Variants in PHF13 observed in about 807,000 individuals in gnomAD.
PHF13 encodes PHD zinc finger protein PHF5.
In PHF13, 1 loss-of-function variant was observed where a neutral mutation model predicts 25.8. The observed-to-expected ratio is 0.04, with a 90% CI of 0.01 to 0.18. The LOEUF (loss-of-function observed/expected upper bound fraction) is 0.18. Ranked by LOEUF, PHF13 falls within the 10% of genes least tolerant of loss-of-function variation. The pLI is 1.00. For synonymous variants in PHF13, 195 were observed against 162.4 expected (o/e 1.20, Z -1.53); for missense variants, 306 against 403.2 (o/e 0.76, Z 2.06).
Position 6,614,005 on chromosome 1 carries a change from G to A in PHF13, c.-62G>A, listed in dbSNP as rs1641210709. The A allele has an allele frequency of 1.5e-6, 2 of 1,310,442 alleles. No individual in the cohort carries two copies. Among genetic ancestry groups the A allele is most frequent in the Non-Finnish European group, 2.1e-6 (2 of 949,026 alleles). The allele number at this position is 1,310,442 out of a possible 1,614,324, so 81.2% of individuals were successfully genotyped here. On this transcript the variant is annotated 5_prime_UTR_variant, in exon 1 of 4. Transcript: ENST00000377648. Reference sequence around the variant, plus strand: ...GCCGCCCGAGCCCCCAGCCCCGGGCGGCCCCGCTCCAGCATCCCAGCTCCT... The same window carrying A: ...GCCGCCCGAGCCCCCAGCCCCGGGCAGCCCCGCTCCAGCATCCCAGCTCCT...
chr1:6,620,838 T>C (rs1641327486), intron 3 of PHF13, among the ~76,000 whole-genome samples: 1 of 149,416 alleles, frequency 6.7e-6, no homozygotes, highest in Non-Finnish European at 1.5e-5. Flanking sequence ...ACCAACATGG[T>C]GAAACCCCGA....
intron 1 of PHF13, among the ~76,000 whole-genome samples, chr1:6,615,151 CCGTGTGGGGGCGGCGTGGAA>C (rs1404480758): frequency 4.1e-4 from 62 of 151,700 alleles, no homozygotes; most frequent in Admixed American, 2.0e-3. Flanking sequence ...GCGGCGTGGG[CCGTGTGGGGGCGGCGTGGAA>C]CCCCCAGTCC....
intron 1 of PHF13, among the ~76,000 whole-genome samples, 171 bp downstream of exon 1, chr1:6,614,276 GGTCCTCTCCGCCGGGCCTCGCCTCCGC>G (rs1357250307): frequency 1.6e-5 from 2 of 125,932 alleles, no homozygotes; most frequent in Non-Finnish European, 3.2e-5. Context: ...GCCCGCGCTC[GGTCCTCTCCGCCGGGCCTCGCCTCCGC>G]GTCCCCTCCG....
intron 3 of PHF13, among the ~76,000 whole-genome samples, chr1:6,620,995 G>A (rs1641329850): frequency 6.7e-6 from 1 of 150,294 alleles, no homozygotes; most frequent in African/African-American, 2.5e-5. Context: ...TCGCGCCATT[G>A]CACTCCAGCC....
At position 6,621,174 on chromosome 1, in the gene PHF13, G is replaced by T. The variant is rs1382536844; in HGVS notation, c.677-237G>T. ...GATTGCACCACTGCACTCCAGCCAGGGTGACAGAGTGAGACCCTGTCTTAG... is the reference window on the plus strand; with the variant it reads ...GATTGCACCACTGCACTCCAGCCAGTGTGACAGAGTGAGACCCTGTCTTAG... On this transcript the variant is annotated intron_variant, in intron 3 of 3. Transcript: ENST00000377648. The surrounding 1 kb of genome is among the most constrained non-coding windows in gnomAD (Gnocchi z 4.8). Among the ~76,000 whole-genome samples the T allele has an allele frequency of 6.6e-6, 1 of 151,782 alleles. No homozygotes were observed. The highest frequency in any genetic ancestry group is 1.5e-5 in the Non-Finnish European group (1 of 67,920).
In PHF13 at chr1:6,621,650, G is replaced by A. The variant is rs775381412; in HGVS notation, c.*13G>A. The A allele has an allele frequency of 8.1e-6, 13 of 1,613,068 alleles. No individual in the cohort carries two copies. The highest frequency in any genetic ancestry group is 1.7e-5 in the Admixed American group (1 of 60,000). On this transcript the variant is annotated 3_prime_UTR_variant, in exon 4 of 4. Transcript: ENST00000377648. The surrounding 1 kb of genome is among the most constrained non-coding windows in gnomAD (Gnocchi z 4.8). ...GTTCCTGGACTGACTGCTGGCTGGCGAGGAGGCTGCGAGCGTGGAATCGGA... is the reference window on the plus strand; with the variant it reads ...GTTCCTGGACTGACTGCTGGCTGGCAAGGAGGCTGCGAGCGTGGAATCGGA...
Position 6,621,220 on chromosome 1 carries a change from G to A in PHF13, c.677-191G>A, listed in dbSNP as rs1641334571. 6.6e-6 allele frequency among the ~76,000 whole-genome samples: 1 copy of A among 151,478 alleles called. No individual in the cohort carries two copies. The highest frequency in any genetic ancestry group is 2.1e-4 in the South Asian group (1 of 4,792). ...CTTAGGGAAAAAAAAAAAAAAGTAA[G>A]CATCTCCTGGGTAATACCTGGTTCC... On this transcript the variant is annotated intron_variant, in intron 3 of 3. Coordinates refer to ENST00000377648, the MANE Select transcript of PHF13 (RefSeq NM_153812.3). The surrounding 1 kb of genome is among the most constrained non-coding windows in gnomAD (Gnocchi z 4.8).
At chr1:6,614,480 G>T (rs1457778800) in intron 1 of PHF13, 1 of 222,610 alleles carries the variant, frequency 4.5e-6, no homozygotes, top group African/African-American at 2.4e-5. Context: ...CGCGGTCCGA[G>T]CCGCCGCCCG....
chr1:6,619,890 A>G lies in PHF13; in HGVS notation c.229A>G (p.Ile77Val), dbSNP rs149148561. Residue 77 changes from isoleucine (I) to valine (V), a missense_variant, in exon 3 of 4, where the codon ATC becomes GTC. Transcript: ENST00000377648. ...CGGCTGGGACGCGGGTTTCTCAGACATCGCGTCCTCAGTGCCCTTGCCAGT... is the reference window on the plus strand; with the variant it reads ...CGGCTGGGACGCGGGTTTCTCAGACGTCGCGTCCTCAGTGCCCTTGCCAGT... Reference protein sequence around the residue: ...SDGWDAGFSDIASSVPLPVSD... With the variant: ...SDGWDAGFSDVASSVPLPVSD... 6.8e-6 allele frequency: 11 copies of G among 1,613,830 alleles called. No individual in the cohort carries two copies. In the African/African-American group the frequency reaches 1.2e-4, roughly 18 times the overall value.
Position 6,620,011 on chromosome 1 carries a change from A to C in PHF13, c.350A>C (p.Lys117Thr). The stretch of plus-strand genomic sequence containing the variant: ...GACAGAAAGAAAACGGACAAGCTGA[A>C]GAAGAAGAAGAAGAGGAAGCGCAGG... The part of the protein sequence containing the change: ...LLDRKKTDKL[K>T]KKKKRKRRDS... The change falls in exon 3 of 4, where the codon AAG (lysine) becomes ACG (threonine). Residue 117 changes from lysine (K) to threonine (T), a missense_variant. Lys to Thr is a moderately conservative substitution (Grantham distance 78). Around this residue, in one of 5 missense-constraint regions of PHF13, gnomAD observed 186 missense variants for 164.0 expected, o/e 1.13. Coordinates refer to ENST00000377648, the MANE Select transcript of PHF13 (RefSeq NM_153812.3). 6.2e-7 allele frequency: 1 copy of C among 1,606,884 alleles called. No individual in the cohort carries two copies. Among genetic ancestry groups the C allele is most frequent in the Non-Finnish European group, 8.5e-7 (1 of 1,175,502 alleles).
At chr1:6,614,196 G>A in intron 1 of PHF13, 91 bp downstream of exon 1, 1 of 1,183,212 alleles carries the variant, frequency 8.5e-7, no homozygotes, top group Non-Finnish European at 1.2e-6. Context: ...CGCCCGGAGC[G>A]CCGCCCTCCC....
intron 1 of PHF13, among the ~76,000 whole-genome samples, chr1:6,615,477 C>T (rs919717212): frequency 2.0e-5 from 3 of 152,098 alleles, no homozygotes; most frequent in Non-Finnish European, 4.4e-5. Flanking sequence ...AGGGCACCGA[C>T]TTTCTCGAAA....
intron 1 of PHF13, among the ~76,000 whole-genome samples, 168 bp downstream of exon 1, chr1:6,614,273 C>G (rs1156692511): frequency 6.8e-6 from 1 of 147,796 alleles, no homozygotes; most frequent in African/African-American, 2.5e-5. Flanking sequence ...CGGGCCCGCG[C>G]TCGGTCCTCT....
Position 6,623,406 on chromosome 1 carries a change from G to T in PHF13, c.*1769G>T, listed in dbSNP as rs80029049. On this transcript the variant is annotated 3_prime_UTR_variant, in exon 4 of 4. Transcript: ENST00000377648. Reference sequence around the variant, plus strand: ...ACTGACGAGGGCAAACAGCCAGGACGCATTGGAGAGGAATTTGCCAAAGAT... The same window carrying T: ...ACTGACGAGGGCAAACAGCCAGGACTCATTGGAGAGGAATTTGCCAAAGAT... The T allele has an allele frequency of 1.3e-5, 2 of 152,458 alleles. No homozygotes were observed. Among genetic ancestry groups the T allele is most frequent in the African/African-American group, 4.8e-5 (2 of 41,344 alleles). The allele number at this position is 152,458 out of a possible 1,614,324, so 9.4% of individuals were successfully genotyped here.
chr1:6,613,827 C>T lies in PHF13; in HGVS notation c.-240C>T. On this transcript the variant is annotated 5_prime_UTR_variant, in exon 1 of 4. Coordinates refer to ENST00000377648, the MANE Select transcript of PHF13 (RefSeq NM_153812.3). ...GCCGCCGCCGCCCCCTGCAGCCACT[C>T]TCCCGCCTCTACCGCCGCGGGAGCT... 1 of 365,978 alleles carries T rather than the reference C, an allele frequency of 2.7e-6. No homozygotes were observed. Among genetic ancestry groups the T allele is most frequent in the Non-Finnish European group, 5.0e-6 (1 of 200,842 alleles). 22.7% of individuals were successfully genotyped at this position (365,978 alleles called of 1,614,324 possible).
chr1:6,621,967 A>C lies in PHF13; in HGVS notation c.*330A>C, dbSNP rs1019759632. 7.5e-6 allele frequency: 3 copies of C among 398,396 alleles called. No homozygotes were observed. The highest frequency in any genetic ancestry group is 7.8e-4 in the Middle Eastern group (1 of 1,290). 24.7% of individuals were successfully genotyped at this position (398,396 alleles called of 1,614,324 possible). ...TATCATTGCTAAGAGATTCCCGCTG[A>C]TTGGGCTCAGTGCCAGCTGTTATTC... On this transcript the variant is annotated 3_prime_UTR_variant, in exon 4 of 4. Coordinates refer to ENST00000377648, the MANE Select transcript of PHF13 (RefSeq NM_153812.3). The surrounding 1 kb of genome is among the most constrained non-coding windows in gnomAD (Gnocchi z 4.8).
chr1:6,621,697 C>T lies in PHF13; in HGVS notation c.*60C>T. 4.5e-6 allele frequency: 7 copies of T among 1,543,182 alleles called. No individual in the cohort carries two copies. Among genetic ancestry groups the T allele is most frequent in the Non-Finnish European group, 5.3e-6 (6 of 1,123,122 alleles). On this transcript the variant is annotated 3_prime_UTR_variant, in exon 4 of 4. Coordinates refer to ENST00000377648, the MANE Select transcript of PHF13 (RefSeq NM_153812.3). This position sits in a 1 kb window ranked among gnomAD's most constrained non-coding sequence, Gnocchi z 4.8. ...CGGAAGCGACCGCGGGCTTTTTTGC[C>T]CTTCTCTTAGTTGAGCACAGAACCC...
chr1:6,620,846 C>T (rs1039746222), intron 3 of PHF13, among the ~76,000 whole-genome samples: 5 of 151,296 alleles, frequency 3.3e-5, no homozygotes, highest in Non-Finnish European at 7.4e-5. Flanking sequence ...GGTGAAACCC[C>T]GACTCTACTA....
intron 1 of PHF13, 143 bp from the exon 2 acceptor site, chr1:6,616,614 G>A (rs763413868): frequency 8.9e-6 from 6 of 672,954 alleles, no homozygotes; most frequent in Admixed American, 2.4e-5. Context: ...TGAACTTACC[G>A]TATCTTGTTT....
Sources: allele counts gnomAD v4.1 joint callset (sites outside exome capture counted in the v4.1 genomes callset), GRCh38; gene constraint gnomAD v4.1.1; regional missense constraint gnomAD v4.1.1; non-coding constraint Gnocchi (gnomAD v3.1); transcripts MANE v1.5; gene names NCBI Gene and HGNC (gene_info 2026-07-23, HGNC 2026-07-21).